Variants in RSPH14 observed in about 807,000 individuals in gnomAD.
The protein encoded by RSPH14 is radial spoke head 14 homolog, also known as rhabdoid tumor deletion region gene 1.
A neutral mutation model predicts 26.7 loss-of-function variants in RSPH14; 20 were observed. The ratio of observed to expected loss-of-function variants is 0.75; its 90% confidence interval spans 0.53 to 1.09. The LOEUF is 1.09. Among genes scored for constraint, RSPH14 ranks in the 50% least tolerant of loss-of-function variants. RSPH14 has a pLI of 0.00. For missense variants in RSPH14, 449 were observed against 457.2 expected (o/e 0.98, Z 0.16); for synonymous variants, 177 against 189.3 (o/e 0.93, Z 0.53).
chr22:23,130,312 G>C (rs559487555), intron 4 of RSPH14, among the ~76,000 whole-genome samples: 1 of 151,270 alleles, frequency 6.6e-6, no homozygotes, highest in Non-Finnish European at 1.5e-5. Context: ...AAAATCAGCC[G>C]GGCATGGTGG....
intron 4 of RSPH14, among the ~76,000 whole-genome samples, chr22:23,098,851 G>A (rs545001979): frequency 7.2e-4 from 110 of 152,388 alleles, no homozygotes; most frequent in African/African-American, 2.4e-3. Context: ...AGGACAGCCC[G>A]TCTCCAGCCG....
At chr22:23,177,136 C>G in the RSPH14 span, among the ~76,000 whole-genome samples, 1 of 152,210 alleles carries the variant, frequency 6.6e-6, no homozygotes, top group Non-Finnish European at 1.5e-5. Context: ...CTGCCTACAC[C>G]AGCCTCATCT....
the RSPH14 span, among the ~76,000 whole-genome samples, chr22:23,172,104 G>A: frequency 6.6e-6 from 1 of 152,158 alleles, no homozygotes; most frequent in Non-Finnish European, 1.5e-5. Context: ...TACAATATGT[G>A]GCTTTTTGTG....
intron 4 of RSPH14, among the ~76,000 whole-genome samples, chr22:23,066,542 G>A (rs1222982515): frequency 6.6e-6 from 1 of 152,214 alleles, no homozygotes; most frequent in Non-Finnish European, 1.5e-5. Flanking sequence ...TTTTGAGACA[G>A]AGGGAGAAGA....
intron 4 of RSPH14, among the ~76,000 whole-genome samples, chr22:23,129,614 T>C (rs1362546865): frequency 2.0e-5 from 3 of 151,622 alleles, no homozygotes; most frequent in Non-Finnish European, 2.9e-5. Context: ...GAAATTGACT[T>C]CATTATTCAA....
upstream of RSPH14, among the ~76,000 whole-genome samples, chr22:23,147,340 CTT>C (rs917877071): frequency 6.9e-6 from 1 of 145,778 alleles, no homozygotes; most frequent in African/African-American, 2.5e-5. Context: ...TTTCTTTTTT[CTT>C]TTTTTTTTAG....
At chr22:23,111,321 C>CA (rs1569181913) in intron 4 of RSPH14, among the ~76,000 whole-genome samples, 64 of 152,304 alleles carry the variant, frequency 4.2e-4, no homozygotes, top group African/African-American at 1.3e-3. Flanking sequence ...GCAGGGGGTG[C>CA]GGCCACAAAT....
intron 4 of RSPH14, among the ~76,000 whole-genome samples, chr22:23,093,929 C>T (rs550973186): frequency 3.3e-5 from 5 of 152,258 alleles, no homozygotes; most frequent in African/African-American, 9.6e-5. Context: ...AAAGCAGGAT[C>T]GCCAGGACTA....
At chr22:23,100,378 T>G (rs2069262462) in intron 4 of RSPH14, among the ~76,000 whole-genome samples, 2 of 152,232 alleles carry the variant, frequency 1.3e-5, no homozygotes, top group Admixed American at 1.3e-4. Context: ...ACAGCAGGGT[T>G]CACCGTGGGA....
At chr22:23,095,869 C>A in intron 4 of RSPH14, 2 of 1,613,692 alleles carry the variant, frequency 1.2e-6, no homozygotes, top group Non-Finnish European at 1.7e-6. Context: ...TCATCCACAG[C>A]GGCGGCTTCA....
At chr22:23,144,610 G>A (rs1246205813), upstream of RSPH14, among the ~76,000 whole-genome samples, 1 of 151,928 alleles carries the variant, frequency 6.6e-6, no homozygotes, top group Non-Finnish European at 1.5e-5. Context: ...CCCAAGGACT[G>A]GGGAGGCTGA....
At chr22:23,156,788 G>A in the RSPH14 span, among the ~76,000 whole-genome samples, 1 of 152,166 alleles carries the variant, frequency 6.6e-6, no homozygotes, top group African/African-American at 2.4e-5. Context: ...TGGTCGCATG[G>A]CCTCCTGCAC....
At chr22:23,077,795 G>A (rs975619758) in intron 4 of RSPH14, among the ~76,000 whole-genome samples, 1 of 152,196 alleles carries the variant, frequency 6.6e-6, no homozygotes, top group Non-Finnish European at 1.5e-5. Context: ...GACTATGGGT[G>A]GGAGAACTTG....
chr22:23,117,466 C>T (rs1318580162), intron 4 of RSPH14, among the ~76,000 whole-genome samples: 2 of 152,238 alleles, frequency 1.3e-5, no homozygotes, highest in Non-Finnish European at 2.9e-5. Context: ...ACCTCTCCCA[C>T]TCCGTCCGGC....
the RSPH14 span, among the ~76,000 whole-genome samples, chr22:23,179,381 A>G: frequency 6.6e-6 from 1 of 152,122 alleles, no homozygotes; most frequent in African/African-American, 2.4e-5. Flanking sequence ...TGTGCCCATC[A>G]GAGTCCCTGC....
the RSPH14 span, among the ~76,000 whole-genome samples, chr22:23,178,751 T>C: frequency 6.6e-6 from 1 of 152,168 alleles, no homozygotes; most frequent in Admixed American, 6.5e-5. Flanking sequence ...CTACACACCA[T>C]TTATCAGGTT....
the RSPH14 span, among the ~76,000 whole-genome samples, chr22:23,179,316 C>G: frequency 6.6e-6 from 1 of 152,174 alleles, no homozygotes; most frequent in Non-Finnish European, 1.5e-5. Context: ...ATTCATTTGC[C>G]AAATCCTGTT....
intron 5 of RSPH14, among the ~76,000 whole-genome samples, chr22:23,062,207 G>C (rs902397866): frequency 6.6e-6 from 1 of 152,184 alleles, no homozygotes; most frequent in Non-Finnish European, 1.5e-5. Context: ...AAAAGAAATA[G>C]GGCATGTTCT....
At chr22:23,095,600 G>T in intron 4 of RSPH14, 1 of 1,395,822 alleles carries the variant, frequency 7.2e-7, no homozygotes, top group Non-Finnish European at 9.6e-7. Flanking sequence ...CTCCAGGGCA[G>T]CTGGGCTCTT....
Sources: gnomAD v4.1 joint callset for allele counts (sites outside exome capture counted in the v4.1 genomes callset) on GRCh38, gnomAD v4.1.1 for gene constraint, MANE v1.5 for transcripts, NCBI Gene and HGNC (gene_info 2026-07-23, HGNC 2026-07-21) for gene names.